PI4KB: variants seen among roughly 807,000 people sequenced by gnomAD.
PI4KB encodes PtdIns 4-kinase beta.
PI4KB carries 23 observed loss-of-function variants against 81.4 expected under a neutral mutation model. The observed-to-expected ratio is 0.28, with a 90% confidence interval of 0.20 to 0.40. The LOEUF (loss-of-function observed/expected upper bound fraction) is 0.40, where lower values mean the gene tolerates loss of function less well. PI4KB is among the 10% of genes least tolerant of loss of function. The probability of loss-of-function intolerance (pLI) is 1.00; values close to 1 mark genes in which losing one functional copy is unlikely to be tolerated. For synonymous variants in PI4KB, 381 were observed against 406.8 expected, an observed-to-expected ratio of 0.94 and a Z score of 0.76; for missense variants, 651 against 1,036.6, an observed-to-expected ratio of 0.63 and a Z score of 5.11.
At chr1:151,325,376 A>G (rs1313967885) in intron 1 of PI4KB, among the ~76,000 whole-genome samples, 1 of 152,192 alleles carries the variant, frequency 6.6e-6, no homozygotes, top group African/African-American at 2.4e-5. Context: ...ATAAGATGAC[A>G]TAACTACTCC....
At chr1:151,303,378 C>T (rs1436149804) in intron 6 of PI4KB, 163 bp downstream of exon 6, 2 of 657,562 alleles carry the variant, frequency 3.0e-6, no homozygotes, top group East Asian at 2.6e-5. Context: ...TCTCAACCTA[C>T]ACCTTCATTG....
chr1:151,327,110 G>A (rs1281121574), intron 1 of PI4KB, among the ~76,000 whole-genome samples, 161 bp downstream of exon 1: 2 of 152,144 alleles, frequency 1.3e-5, no homozygotes, highest in African/African-American at 4.8e-5. Flanking sequence ...CCCCAGGCCT[G>A]AGAGGAAAGG....
Position 151,315,582 on chromosome 1 carries a change from A to T in PI4KB, c.900T>A (p.Asn300Lys), listed in dbSNP as rs587765480. The change falls in exon 2 of 12, where the codon AAT (asparagine) becomes AAA (lysine). Residue 300 changes from asparagine (N) to lysine (K), a missense_variant. This residue lies in a region of PI4KB where 314 missense variants were observed against 397.8 expected (regional missense o/e 0.79). Coordinates refer to ENST00000368873, the MANE Select transcript of PI4KB (RefSeq NM_001369623.2). ...KRTASNPKVENEDEELSSSTE... is the reference protein window; with the variant it reads ...KRTASNPKVEKEDEELSSSTE... ...CTCCCCAGAATTTTACCTCATCCTC[A>T]TTCTCCACTTTAGGGTTGCTGGCTG... 1 of 1,613,348 alleles carries T rather than the reference A, an allele frequency of 6.2e-7. No individual in the cohort carries two copies. The highest frequency in any genetic ancestry group is 1.1e-5 in the South Asian group (1 of 91,044).
intron 1 of PI4KB, among the ~76,000 whole-genome samples, chr1:151,319,719 T>G (rs1648564879): frequency 6.6e-6 from 1 of 152,178 alleles, no homozygotes; most frequent in South Asian, 2.1e-4. Flanking sequence ...TGGGGAAATT[T>G]CATCAGATCA....
At chr1:151,299,963 G>A (rs1453016813) in intron 8 of PI4KB, among the ~76,000 whole-genome samples, 2 of 152,254 alleles carry the variant, frequency 1.3e-5, no homozygotes, top group African/African-American at 2.4e-5. Flanking sequence ...ATTAAAATTA[G>A]AGGCATTAAG....
intron 1 of PI4KB, among the ~76,000 whole-genome samples, chr1:151,327,059 G>A (rs1340016043): frequency 6.6e-6 from 1 of 152,190 alleles, no homozygotes; most frequent in Admixed American, 6.5e-5. Flanking sequence ...CGAGGCAGAG[G>A]GAGGAGCTAA....
chr1:151,327,215 G>GCGGGGGCCCCCCCCCC, intron 1 of PI4KB, 56 bp downstream of exon 1: 1 of 49,688 alleles, frequency 2.0e-5, no homozygotes, highest in Non-Finnish European at 4.5e-5. Context: ...GTGGGAGAGG[G>GCGGGGGCCCCCCCCCC]ACCCCCCCCC....
chr1:151,309,628 G>A (rs2101969334), intron 3 of PI4KB, among the ~76,000 whole-genome samples: 1 of 152,226 alleles, frequency 6.6e-6, no homozygotes, highest in Admixed American at 6.5e-5. Flanking sequence ...GGAACATCCT[G>A]GGCAGTGAGC....
At chr1:151,316,916 G>A (rs1480156708) in intron 1 of PI4KB, among the ~76,000 whole-genome samples, 1 of 151,980 alleles carries the variant, frequency 6.6e-6, no homozygotes. Flanking sequence ...TCCGCCTCCC[G>A]GGTTCACACC....
rs1649810713 is a variant in PI4KB at position 151,327,355 on chromosome 1, G to A, written c.-113C>T. 1.3e-5 allele frequency: 5 copies of A among 397,472 alleles called. No homozygotes were observed. In the Admixed American group the frequency reaches 2.2e-4, roughly 18 times the overall value. The allele number at this position is 397,472 out of a possible 1,614,324, so 24.6% of individuals were successfully genotyped here. A position where few individuals can be genotyped will look rare whatever the true frequency, so the allele number is the denominator to read the frequency against. On this transcript the variant is annotated 5_prime_UTR_variant, in exon 1 of 12. Coordinates refer to ENST00000368873, the MANE Select transcript of PI4KB (RefSeq NM_001369623.2). Reference sequence around the variant, plus strand: ...GCCTCAGCAGCAGCGACCGCTCCCGGGTTCCATTGGCCGCCTGCGCTTCCC... The same window carrying A: ...GCCTCAGCAGCAGCGACCGCTCCCGAGTTCCATTGGCCGCCTGCGCTTCCC...
intron 1 of PI4KB, among the ~76,000 whole-genome samples, chr1:151,324,454 T>C (rs1403174273): frequency 1.3e-5 from 2 of 152,124 alleles, no homozygotes; most frequent in African/African-American, 4.8e-5. Flanking sequence ...TTTTTCCTTA[T>C]AGAAACTCAG....
intron 2 of PI4KB, among the ~76,000 whole-genome samples, chr1:151,314,367 T>C (rs587666937): frequency 3.9e-5 from 6 of 152,306 alleles, no homozygotes; most frequent in African/African-American, 1.2e-4. Context: ...TGGAGCACCA[T>C]TGTCTGGCTG....
chr1:151,313,139 A>G (rs1420993058), intron 2 of PI4KB, among the ~76,000 whole-genome samples: 1 of 152,228 alleles, frequency 6.6e-6, no homozygotes, highest in Non-Finnish European at 1.5e-5. Context: ...TCTAATGCTT[A>G]GAAACCTAGT....
chr1:151,324,243 G>A (rs1240277717), intron 1 of PI4KB, among the ~76,000 whole-genome samples: 2 of 152,194 alleles, frequency 1.3e-5, no homozygotes, highest in Non-Finnish European at 2.9e-5. Flanking sequence ...TTACGGGCAT[G>A]AGCCACGGTG....
chr1:151,326,278 C>T, intron 1 of PI4KB: 1 of 1,211,654 alleles, frequency 8.3e-7, no homozygotes, highest in Non-Finnish European at 1.2e-6. Flanking sequence ...TTGCTCCGGC[C>T]TTCAGAAACA....
At chr1:151,323,978 G>A (rs2864116) in intron 1 of PI4KB, among the ~76,000 whole-genome samples, 169 of 151,298 alleles carry the variant, frequency 1.1e-3, no homozygotes, top group Non-Finnish European at 1.6e-3. Flanking sequence ...TTGAGATGGA[G>A]TCTCGCTCTG....
chr1:151,303,232 C>G (rs1197915780), intron 6 of PI4KB: 1 of 258,382 alleles, frequency 3.9e-6, no homozygotes, highest in East Asian at 8.1e-5. Flanking sequence ...ATCTCCTGAC[C>G]TCGTGATCTG....
At position 151,294,634 on chromosome 1, in the gene PI4KB, G is replaced by C. The variant is rs946770377; in HGVS notation, c.2016-93C>G. On this transcript the variant is annotated intron_variant, in intron 9 of 11. Transcript: ENST00000368873. Reference sequence around the variant, plus strand: ...GCAATACACTGGCCACATGACACCAGGGAGGGGGGTCCCCTGCCATGTTTC... The same window carrying C: ...GCAATACACTGGCCACATGACACCACGGAGGGGGGTCCCCTGCCATGTTTC... The C allele has an allele frequency of 8.2e-6, 10 of 1,216,816 alleles. No homozygotes were observed. The African/African-American group carries it at 1.3e-4, about 16-fold the overall frequency. 75.4% of individuals were successfully genotyped at this position (1,216,816 alleles called of 1,614,324 possible).
intron 6 of PI4KB, 24 bp downstream of exon 6, chr1:151,303,517 A>AG: frequency 1.5e-6 from 2 of 1,368,302 alleles, no homozygotes; most frequent in South Asian, 1.2e-5. Context: ...ATGAAAAATG[A>AG]GGGGCAATGT....
Sources: allele counts gnomAD v4.1 joint callset (sites outside exome capture counted in the v4.1 genomes callset), GRCh38; gene constraint gnomAD v4.1.1; regional missense constraint gnomAD v4.1.1; transcripts MANE v1.5; gene names NCBI Gene and HGNC (gene_info 2026-07-23, HGNC 2026-07-21).